Variants in CUBN observed in about 807,000 individuals in gnomAD.
CUBN encodes 460 kDa receptor.
In CUBN, 282 loss-of-function variants were observed where a neutral mutation model predicts 405.3. The observed-to-expected ratio is 0.70, with a 90% confidence interval of 0.63 to 0.77. CUBN has a LOEUF of 0.77. Ranked by LOEUF, CUBN falls within the 30% of genes least tolerant of loss-of-function variation. CUBN has a pLI of 0.00. For missense variants in CUBN, 4,514 were observed against 4,475.2 expected, an observed-to-expected ratio of 1.01 and a Z score of -0.25; for synonymous variants, 1,684 against 1,617.0, an observed-to-expected ratio of 1.04 and a Z score of -0.99.
intron 6 of CUBN, among the ~76,000 whole-genome samples, chr10:17,119,348 G>T (rs1026132506): frequency 6.6e-6 from 1 of 152,086 alleles, no homozygotes; most frequent in African/African-American, 2.4e-5. Flanking sequence ...AGATCCCAAG[G>T]GCTGTCTTAA....
chr10:16,885,469 C>A (rs1840786107), intron 56 of CUBN, among the ~76,000 whole-genome samples: 1 of 152,130 alleles, frequency 6.6e-6, no homozygotes, highest in Admixed American at 6.5e-5. Flanking sequence ...CACATACACA[C>A]ATATATAGCA....
chr10:16,915,777 T>G, intron 46 of CUBN, 44 bp downstream of exon 46: 1 of 1,502,754 alleles, frequency 6.7e-7, no homozygotes, highest in Non-Finnish European at 9.3e-7. Context: ...AATAAGTACA[T>G]GTGAAAATAA....
chr10:17,114,047 T>G lies in CUBN; in HGVS notation c.863A>C (p.Tyr288Ser). The G allele has an allele frequency of 6.2e-7, 1 of 1,612,918 alleles. No individual in the cohort carries two copies. The highest frequency in any genetic ancestry group is 8.5e-7 in the Non-Finnish European group (1 of 1,179,560). ...VQCFNTQGSF[Y>S]CGACPTGWQG... Reference sequence around the variant, plus strand: ...TGTACCTGTTGGACAGGCCCCACAGTAGAAAGAGCCTTGAGTGTTGAAACA... The same window carrying G: ...TGTACCTGTTGGACAGGCCCCACAGGAGAAAGAGCCTTGAGTGTTGAAACA... Residue 288 changes from tyrosine to serine, a missense_variant, in exon 8 of 67, where the codon TAC becomes TCC. Around this residue, in one of 5 missense-constraint regions of CUBN, gnomAD observed 1,448 missense variants for 1,388.0 expected, o/e 1.04. Transcript: ENST00000377833.
chr10:16,992,790 G>A (rs1482934109), intron 28 of CUBN, among the ~76,000 whole-genome samples: 3 of 152,076 alleles, frequency 2.0e-5, no homozygotes, highest in East Asian at 1.9e-4. Flanking sequence ...AAAAAGTTCC[G>A]GCTTTTATTT....
intron 31 of CUBN, among the ~76,000 whole-genome samples, chr10:16,965,325 A>G (rs893089689): frequency 3.3e-5 from 5 of 152,350 alleles, no homozygotes; most frequent in Admixed American, 3.3e-4. Context: ...AAAGCTGAGC[A>G]TACATTTTTA....
chr10:16,942,433 T>C (rs1213955240), intron 36 of CUBN, among the ~76,000 whole-genome samples: 6 of 152,100 alleles, frequency 3.9e-5, no homozygotes, highest in African/African-American at 1.4e-4. Flanking sequence ...CGAATACACA[T>C]TTCTCCAAAG....
intron 28 of CUBN, among the ~76,000 whole-genome samples, chr10:17,019,530 A>G (rs1834436729): frequency 1.3e-5 from 2 of 152,170 alleles, no homozygotes; most frequent in African/African-American, 4.8e-5. Flanking sequence ...TGCTATACCC[A>G]GGTTCAACTC....
intron 43 of CUBN, among the ~76,000 whole-genome samples, chr10:16,922,526 A>G (rs904129846): frequency 6.6e-6 from 1 of 152,070 alleles, no homozygotes; most frequent in African/African-American, 2.4e-5. Context: ...AAAACTTCCA[A>G]TGCCTCCCAT....
At chr10:16,986,316 C>T (rs1833421674) in intron 29 of CUBN, among the ~76,000 whole-genome samples, 1 of 150,952 alleles carries the variant, frequency 6.6e-6, no homozygotes, top group Admixed American at 6.6e-5. Flanking sequence ...CATTCCTCAG[C>T]ACCCCCGGCC....
At chr10:17,099,965 T>G in intron 14 of CUBN, 40 bp downstream of exon 14, 1 of 1,439,560 alleles carries the variant, frequency 6.9e-7, no homozygotes, top group Non-Finnish European at 9.8e-7. Context: ...CTTAATAACC[T>G]CAAAATTTTG....
chr10:16,912,902 C>T (rs1841772932), intron 48 of CUBN, among the ~76,000 whole-genome samples: 1 of 152,144 alleles, frequency 6.6e-6, no homozygotes, highest in African/African-American at 2.4e-5. Context: ...GGTTTAAAAC[C>T]ATCACATGCT....
At chr10:17,077,103 G>A (rs559939357) in intron 17 of CUBN, among the ~76,000 whole-genome samples, 28 of 152,200 alleles carry the variant, frequency 1.8e-4, no homozygotes, top group African/African-American at 4.8e-4. Context: ...TTAGTGAATC[G>A]CATTTGCAAG....
intron 22 of CUBN, among the ~76,000 whole-genome samples, chr10:17,055,264 C>A (rs10904868): frequency 0.6 from 91,729 of 151,836 alleles, 28,562 homozygotes; most frequent in East Asian, 0.88. Flanking sequence ...AAGGGAACTC[C>A]ACAAACTGAT....
intron 59 of CUBN, among the ~76,000 whole-genome samples, chr10:16,855,068 T>C: frequency 1.5e-5 from 1 of 65,338 alleles, no homozygotes; most frequent in Non-Finnish European, 2.9e-5. Context: ...CCCTCCTCTC[T>C]CCTCCCCTCC....
At chr10:17,070,359 T>C (rs1180295990) in intron 19 of CUBN, among the ~76,000 whole-genome samples, 1 of 152,210 alleles carries the variant, frequency 6.6e-6, no homozygotes, top group African/African-American at 2.4e-5. Context: ...TTCCCTTGCA[T>C]ATTCATATGA....
chr10:16,916,744 G>C (rs868255138), intron 45 of CUBN, among the ~76,000 whole-genome samples: 1 of 151,600 alleles, frequency 6.6e-6, no homozygotes. Context: ...ATCTTCAACC[G>C]CTCATTTTTT....
Position 16,984,027 on chromosome 10 carries a change from T to C in CUBN, c.4525+78A>G, listed in dbSNP as rs924934331. On this transcript the variant is annotated intron_variant, in intron 30 of 66. Coordinates refer to ENST00000377833, the MANE Select transcript of CUBN (RefSeq NM_001081.4). ...CTAAGTTATAAGTGTGTAGCCTTCATACGTTTTCCCAAGCATTTCATGAAA... is the reference window on the plus strand; with the variant it reads ...CTAAGTTATAAGTGTGTAGCCTTCACACGTTTTCCCAAGCATTTCATGAAA... The C allele has an allele frequency of 4.7e-6, 7 of 1,504,354 alleles. No individual in the cohort carries two copies. The African/African-American group carries it at 8.3e-5, about 18-fold the overall frequency. The allele number at this position is 1,504,354 out of a possible 1,614,324, so 93.2% of individuals were successfully genotyped here.
chr10:17,038,944 C>G (rs1834957254), intron 27 of CUBN, among the ~76,000 whole-genome samples: 1 of 152,206 alleles, frequency 6.6e-6, no homozygotes. Flanking sequence ...ATAAGGGGCT[C>G]TAATGAGCTA....
chr10:16,937,864 A>C (rs1403852945), intron 38 of CUBN, 80 bp from the exon 39 acceptor site: 1 of 1,294,640 alleles, frequency 7.7e-7, no homozygotes, highest in African/African-American at 1.5e-5. Flanking sequence ...AAGATGCCTT[A>C]TATTATTACA....
Sources: allele counts gnomAD v4.1 joint callset (sites outside exome capture counted in the v4.1 genomes callset), GRCh38; gene constraint gnomAD v4.1.1; regional missense constraint gnomAD v4.1.1; transcripts MANE v1.5; gene names NCBI Gene and HGNC (gene_info 2026-07-23, HGNC 2026-07-21).